Variants in CLVS2 observed in about 807,000 individuals in gnomAD.
CLVS2 encodes the protein clavesin-2.
In CLVS2, 19 loss-of-function variants were observed where a neutral mutation model predicts 29.0. The ratio of observed to expected loss-of-function variants is 0.66; its 90% CI spans 0.46 to 0.96. The LOEUF is 0.96. Ranked by LOEUF, CLVS2 falls within the 40% of genes least tolerant of loss-of-function variation. The pLI is 0.00. For missense variants in CLVS2, 294 were observed against 404.1 expected (o/e 0.73, Z 2.34); for synonymous variants, 161 against 151.3 (o/e 1.06, Z -0.47).
intron 3 of CLVS2, among the ~76,000 whole-genome samples, chr6:123,046,072 A>G (rs1772504120): frequency 6.6e-6 from 1 of 152,190 alleles, no homozygotes; most frequent in African/African-American, 2.4e-5. Context: ...GGAAGATCAC[A>G]GTGAGGGAAA....
chr6:123,012,300 T>C (rs575145321), intron 3 of CLVS2, among the ~76,000 whole-genome samples: 1 of 151,976 alleles, frequency 6.6e-6, no homozygotes, highest in Non-Finnish European at 1.5e-5. Flanking sequence ...TCTGCCCTTT[T>C]TCCAGCAATG....
intron 3 of CLVS2, 73 bp from the exon 4 acceptor site, chr6:123,048,549 C>A: frequency 2.1e-6 from 2 of 964,618 alleles, no homozygotes; most frequent in Non-Finnish European, 1.7e-6. Context: ...ATTTGTATAC[C>A]ATATAACCTT....
intron 3 of CLVS2, among the ~76,000 whole-genome samples, chr6:123,013,500 A>G (rs1208603494): frequency 6.6e-6 from 1 of 152,036 alleles, no homozygotes; most frequent in Non-Finnish European, 1.5e-5. Flanking sequence ...AAAAATAAGA[A>G]AGGCTATCAA....
At chr6:123,006,607 G>T (rs562059454) in intron 2 of CLVS2, among the ~76,000 whole-genome samples, 1 of 152,268 alleles carries the variant, frequency 6.6e-6, no homozygotes, top group East Asian at 1.9e-4. Context: ...AATGTAGAGG[G>T]AGAAGGAAAG....
chr6:123,052,221 T>C (rs1772621300), intron 4 of CLVS2, among the ~76,000 whole-genome samples: 1 of 152,130 alleles, frequency 6.6e-6, no homozygotes, highest in South Asian at 2.1e-4. Context: ...CAGTATTAAA[T>C]AGGTTTACCA....
At chr6:123,025,118 C>T (rs961766403) in intron 3 of CLVS2, among the ~76,000 whole-genome samples, 17 of 152,086 alleles carry the variant, frequency 1.1e-4, no homozygotes, top group Admixed American at 2.0e-4. Context: ...AAGAGATTTA[C>T]AGTCATTCAC....
intron 3 of CLVS2, among the ~76,000 whole-genome samples, chr6:123,047,594 C>T (rs1026452359): frequency 6.6e-6 from 1 of 152,004 alleles, no homozygotes; most frequent in African/African-American, 2.4e-5. Flanking sequence ...AGTCTTTGAC[C>T]AGAGACTCTT....
rs1772863290 is a variant in CLVS2 at position 123,066,765 on chromosome 6, A to G, written c.*3004A>G. 1 of 151,876 alleles carries G rather than the reference A, an allele frequency of 6.6e-6. No individual in the cohort carries two copies. The highest frequency in any genetic ancestry group is 6.6e-5 in the Admixed American group (1 of 15,186). 9.4% of individuals were successfully genotyped at this position (151,876 alleles called of 1,614,324 possible). Reference sequence around the variant, plus strand: ...TGGAATAAAGCAACGTTACTGGCATATGGATTTTATTTGTACTCTCTTCCA... The same window carrying G: ...TGGAATAAAGCAACGTTACTGGCATGTGGATTTTATTTGTACTCTCTTCCA... On this transcript the variant is annotated 3_prime_UTR_variant, in exon 6 of 6. Transcript: ENST00000275162.
intron 3 of CLVS2, among the ~76,000 whole-genome samples, chr6:123,016,340 G>GGC (rs35206649): frequency 2.6e-4 from 4 of 15,106 alleles, no homozygotes; most frequent in African/African-American, 9.6e-4. Flanking sequence ...TGCTTTTTTT[G>GGC]GGGGGGAGGG....
At chr6:123,047,646 G>A (rs965012025) in intron 3 of CLVS2, among the ~76,000 whole-genome samples, 5 of 152,102 alleles carry the variant, frequency 3.3e-5, no homozygotes, top group Non-Finnish European at 5.9e-5. Context: ...AATTATTTTA[G>A]TTCCTTTACT....
chr6:123,020,906 T>C (rs796872623), intron 3 of CLVS2, among the ~76,000 whole-genome samples: 79 of 152,134 alleles, frequency 5.2e-4, no homozygotes, highest in African/African-American at 1.6e-3. Flanking sequence ...ATCCTAGAAA[T>C]TTAAAAAATT....
At chr6:123,022,396 C>G (rs1279983182) in intron 3 of CLVS2, among the ~76,000 whole-genome samples, 1 of 151,896 alleles carries the variant, frequency 6.6e-6, no homozygotes, top group Non-Finnish European at 1.5e-5. Flanking sequence ...GCCATGTTGA[C>G]TTGGAAGCTC....
chr6:123,052,248 C>A (rs779668725), intron 4 of CLVS2, among the ~76,000 whole-genome samples: 1 of 152,118 alleles, frequency 6.6e-6, no homozygotes, highest in Non-Finnish European at 1.5e-5. Context: ...GCCTTCCTGA[C>A]AAGGGGCCTT....
At chr6:123,031,162 G>A (rs1049523300) in intron 3 of CLVS2, among the ~76,000 whole-genome samples, 7 of 151,958 alleles carry the variant, frequency 4.6e-5, no homozygotes, top group Non-Finnish European at 8.8e-5. Context: ...GTAAAGACAG[G>A]GTTTCGCCAT....
chr6:123,046,467 C>A (rs1197204520), intron 3 of CLVS2, among the ~76,000 whole-genome samples: 1 of 152,062 alleles, frequency 6.6e-6, no homozygotes, highest in Non-Finnish European at 1.5e-5. Flanking sequence ...TGAGACCAGC[C>A]TGACCAACGT....
intron 5 of CLVS2, among the ~76,000 whole-genome samples, 187 bp downstream of exon 5, chr6:123,056,213 T>C (rs551867606): frequency 1.3e-5 from 2 of 152,318 alleles, no homozygotes; most frequent in African/African-American, 4.8e-5. Context: ...AGTGAGAACA[T>C]TTAAAATTTA....
intron 3 of CLVS2, among the ~76,000 whole-genome samples, chr6:123,023,078 A>G (rs1006676213): frequency 6.6e-6 from 1 of 152,144 alleles, no homozygotes; most frequent in Non-Finnish European, 1.5e-5. Context: ...GATATTTAGA[A>G]CTAGGAAGTA....
intron 2 of CLVS2, among the ~76,000 whole-genome samples, chr6:123,000,140 A>C (rs983875260): frequency 9.2e-5 from 14 of 152,186 alleles, no homozygotes; most frequent in African/African-American, 3.1e-4. Context: ...CAAAATGAGA[A>C]GCTGTGTTCT....
intron 3 of CLVS2, among the ~76,000 whole-genome samples, chr6:123,026,916 TGTTA>T (rs1431119664): frequency 6.6e-6 from 1 of 152,242 alleles, no homozygotes; most frequent in Non-Finnish European, 1.5e-5. Flanking sequence ...TGTTCTTGTC[TGTTA>T]GTTATATTCT....
Sources: gnomAD v4.1 joint callset for allele counts (sites outside exome capture counted in the v4.1 genomes callset) on GRCh38, gnomAD v4.1.1 for gene constraint, MANE v1.5 for transcripts, NCBI Gene and HGNC (gene_info 2026-07-23, HGNC 2026-07-21) for gene names.